TTC3: variants seen among roughly 807,000 people sequenced by gnomAD.
TTC3 encodes the protein tetratricopeptide repeat domain 3, also known as E3 ubiquitin-protein ligase TTC3.
Under a neutral mutation model 249.6 loss-of-function variants are expected in TTC3, and 180 were observed. That is an observed-to-expected ratio of 0.72 (90% CI 0.64 to 0.82). TTC3 has a LOEUF of 0.82. Ranked by LOEUF, TTC3 falls within the 40% of genes least tolerant of loss-of-function variation. The probability of loss-of-function intolerance (pLI) is 0.00; values close to 1 mark genes in which losing one functional copy is unlikely to be tolerated. For missense variants in TTC3, 2,061 were observed against 2,398.4 expected, an observed-to-expected ratio of 0.86 and a Z score of 2.94; for synonymous variants, 717 against 805.0, an observed-to-expected ratio of 0.89 and a Z score of 1.85.
chr21:37,092,486 T>A (rs2073400740), intron 7 of TTC3, among the ~76,000 whole-genome samples: 1 of 152,218 alleles, frequency 6.6e-6, no homozygotes, highest in Non-Finnish European at 1.5e-5. Context: ...TTTTTTACAT[T>A]CTATTTTCTT....
chr21:37,169,142 T>C (rs1472598038), intron 34 of TTC3, among the ~76,000 whole-genome samples: 1 of 152,088 alleles, frequency 6.6e-6, no homozygotes, highest in African/African-American at 2.4e-5. Flanking sequence ...GTAGGAGAGG[T>C]CTATACAAGG....
chr21:37,157,913 G>C (rs908495374), intron 28 of TTC3, among the ~76,000 whole-genome samples: 2 of 152,038 alleles, frequency 1.3e-5, no homozygotes, highest in African/African-American at 4.8e-5. Flanking sequence ...TAATCCCCAA[G>C]TCCCTCAGAA....
intron 35 of TTC3, among the ~76,000 whole-genome samples, chr21:37,177,152 G>T (rs1727670153): frequency 6.6e-6 from 1 of 152,048 alleles, no homozygotes; most frequent in African/African-American, 2.4e-5. Flanking sequence ...ATCTAGAATG[G>T]CCTCAGCTGG....
intron 35 of TTC3, among the ~76,000 whole-genome samples, chr21:37,175,597 C>CAAAA (rs1175943574): frequency 1.6e-4 from 7 of 42,822 alleles, no homozygotes; most frequent in South Asian, 8.4e-4. Flanking sequence ...GACTCCATCT[C>CAAAA]AAAAAAAAAA....
intron 35 of TTC3, among the ~76,000 whole-genome samples, chr21:37,181,450 A>C (rs1235087026): frequency 6.6e-6 from 1 of 152,236 alleles, no homozygotes; most frequent in Non-Finnish European, 1.5e-5. Context: ...GTAGAACCGA[A>C]CCAGGTGGAA....
intron 3 of TTC3, 158 bp from the exon 4 acceptor site, chr21:37,088,038 T>A (rs2835584): frequency 0.49 from 453,987 of 933,048 alleles, 112,604 homozygotes; most frequent in Non-Finnish European, 0.51. Flanking sequence ...ATAGAGTTTT[T>A]GCCAGCACTT....
chr21:37,156,238 A>G (rs112256934), intron 27 of TTC3, among the ~76,000 whole-genome samples: 3 of 99,520 alleles, frequency 3.0e-5, no homozygotes, highest in Admixed American at 1.1e-4. Context: ...GGGTCTTGCT[A>G]TGTTGCCAGG....
At chr21:37,196,174 A>C (rs762139) in intron 42 of TTC3, 138 bp downstream of exon 42, 3 of 1,099,506 alleles carry the variant, frequency 2.7e-6, no homozygotes, top group Non-Finnish European at 3.8e-6. Flanking sequence ...CAGTTGCTAC[A>C]TTTCTTTCTT....
chr21:37,107,929 C>CA (rs2075243466), intron 10 of TTC3: 1 of 153,104 alleles, frequency 6.5e-6, no homozygotes, highest in Admixed American at 6.5e-5. Context: ...ACTAAAAATT[C>CA]AAAAAATTAG....
chr21:37,084,802 G>C (rs1432646902), intron 1 of TTC3, among the ~76,000 whole-genome samples: 1 of 152,190 alleles, frequency 6.6e-6, no homozygotes, highest in Non-Finnish European at 1.5e-5. Flanking sequence ...AGACCAGCCT[G>C]GCCAATATGG....
intron 11 of TTC3, among the ~76,000 whole-genome samples, chr21:37,109,939 C>A (rs1017893706): frequency 1.3e-5 from 2 of 152,156 alleles, no homozygotes; most frequent in Admixed American, 6.5e-5. Flanking sequence ...CTGCTGATAC[C>A]CAGGCAAACA....
chr21:37,102,536 A>G (rs1199255852), intron 10 of TTC3, among the ~76,000 whole-genome samples: 2 of 152,220 alleles, frequency 1.3e-5, no homozygotes, highest in Non-Finnish European at 2.9e-5. Flanking sequence ...CTGATAGTCA[A>G]GGGGCTGGTT....
chr21:37,095,710 T>C (rs1299736134), intron 9 of TTC3, among the ~76,000 whole-genome samples: 1 of 152,254 alleles, frequency 6.6e-6, no homozygotes, highest in Non-Finnish European at 1.5e-5. Flanking sequence ...GTTACCTCTT[T>C]TGTCTTGTTC....
chr21:37,155,630 C>T (rs1015762130), intron 27 of TTC3, among the ~76,000 whole-genome samples: 1 of 152,196 alleles, frequency 6.6e-6, no homozygotes, highest in Non-Finnish European at 1.5e-5. Context: ...GACTAAGGCC[C>T]TCGGAAGAAG....
At chr21:37,170,476 T>C (rs1482493996) in intron 34 of TTC3, among the ~76,000 whole-genome samples, 1 of 152,230 alleles carries the variant, frequency 6.6e-6, no homozygotes, top group Non-Finnish European at 1.5e-5. Context: ...TCTGCACTCA[T>C]ATATGTATAG....
chr21:37,140,657 T>C, exon 20 of TTC3: 1 of 1,606,734 alleles, frequency 6.2e-7, no homozygotes, highest in Admixed American at 1.7e-5. Flanking sequence ...TGGAAAAGTA[T>C]ATTTGAAAAA....
At chr21:37,165,695 C>G (rs1417392246) in exon 33 of TTC3, 1 of 1,613,700 alleles carries the variant, frequency 6.2e-7, no homozygotes, top group East Asian at 2.2e-5. Context: ...GGGATGCCCT[C>G]GTTTTGTTGT....
intron 42 of TTC3, among the ~76,000 whole-genome samples, chr21:37,196,530 C>T (rs929915443): frequency 6.6e-6 from 1 of 152,272 alleles, no homozygotes; most frequent in East Asian, 1.9e-4. Context: ...AGACGCCACA[C>T]CCAGCCTCAA....
chr21:37,196,538 C>T (rs1190407845), intron 42 of TTC3, among the ~76,000 whole-genome samples: 1 of 152,118 alleles, frequency 6.6e-6, no homozygotes, highest in Non-Finnish European at 1.5e-5. Flanking sequence ...CACCCAGCCT[C>T]AAATAAATTT....
Sources: gnomAD v4.1 joint callset for allele counts (sites outside exome capture counted in the v4.1 genomes callset) on GRCh38, gnomAD v4.1.1 for gene constraint, MANE v1.5 for transcripts, NCBI Gene and HGNC (gene_info 2026-07-23, HGNC 2026-07-21) for gene names.